The following CELF2 variants were observed in gnomAD, a reference collection of about 807,000 sequenced individuals.
CELF2 encodes CUGBP Elav-like family member 2.
Under a neutral mutation model 62.6 loss-of-function variants are expected in CELF2, and 8 were observed. That is an observed-to-expected ratio of 0.13 (90% CI 0.07 to 0.23). The LOEUF (loss-of-function observed/expected upper bound fraction) is 0.23. Ranked by LOEUF, CELF2 falls within the 10% of genes least tolerant of loss-of-function variation. The probability of loss-of-function intolerance (pLI) is 1.00; values close to 1 mark genes in which losing one functional copy is unlikely to be tolerated. For synonymous variants in CELF2, 258 were observed against 250.0 expected, an observed-to-expected ratio of 1.03 and a Z score of -0.30; for missense variants, 333 against 671.0, an observed-to-expected ratio of 0.50 and a Z score of 5.56.
chr10:10,662,489 G>A, the CELF2 span, among the ~76,000 whole-genome samples: 1 of 152,054 alleles, frequency 6.6e-6, no homozygotes, highest in Non-Finnish European at 1.5e-5. Flanking sequence ...CCCTGTAGTG[G>A]CTTCTCACCC....
chr10:10,669,373 C>T, the CELF2 span, among the ~76,000 whole-genome samples: 60 of 152,264 alleles, frequency 3.9e-4, no homozygotes, highest in Middle Eastern at 3.4e-3. Context: ...TAGAAAGAAT[C>T]CTAGAATTAT....
rs190807555 is a variant in CELF2, at chr10:10,874,942, A to G, written c.54-45022A>G. On this transcript the variant is annotated intron_variant, in intron 1 of 13. Coordinates refer to the CELF2 transcript ENST00000636488. ...ATCTGTTTTAAGAATCTCTAGAAAT[A>G]AATATAAATGTAAACTAGATTTCAT... Among the ~76,000 whole-genome samples the G allele has an allele frequency of 1.8e-3, 277 of 152,344 alleles. 2 individuals carry two copies. The highest frequency in any genetic ancestry group is 0.013 in the South Asian group (61 of 4,828).
rs73571696 is a variant in CELF2 at position 11,035,315 on chromosome 10, G to T, written c.74+17152G>T. ...ATTTGTTGTTTCTAATATGGTAGCA[G>T]CCTGCTGGGAGATGTCTCTCTACAC... On this transcript the variant is annotated intron_variant, in intron 1 of 12. Transcript: ENST00000633077. 7.3e-3 allele frequency among the ~76,000 whole-genome samples: 1,116 copies of T among 152,328 alleles called. 17 individuals carry two copies. Among genetic ancestry groups the T allele is most frequent in the African/African-American group, 0.025 (1,033 of 41,568 alleles).
intron 1 of CELF2, among the ~76,000 whole-genome samples, chr10:11,093,115 T>C (rs1339205953): frequency 6.6e-6 from 1 of 152,206 alleles, no homozygotes; most frequent in Non-Finnish European, 1.5e-5. Context: ...AGTGATGCAG[T>C]TACTTGTAAT....
At chr10:10,937,121 C>CTTTTTTTTT (rs373143426) in intron 2 of CELF2, among the ~76,000 whole-genome samples, 1 of 90,538 alleles carries the variant, frequency 1.1e-5, no homozygotes, top group Non-Finnish European at 2.0e-5. Context: ...TTTTTCTTTT[C>CTTTTTTTTT]TTTTTTTTTT....
At chr10:11,048,342 A>G (rs2063245716) in intron 1 of CELF2, among the ~76,000 whole-genome samples, 1 of 152,242 alleles carries the variant, frequency 6.6e-6, no homozygotes, top group Non-Finnish European at 1.5e-5. Flanking sequence ...GGCAGTGAAC[A>G]GAATATGCAT....
chr10:10,902,467 T>C (rs934114468), intron 1 of CELF2, among the ~76,000 whole-genome samples: 1 of 152,186 alleles, frequency 6.6e-6, no homozygotes, highest in African/African-American at 2.4e-5. Context: ...CCTGAAATAA[T>C]TGTGCTGAGT....
chr10:10,693,269 A>G, the CELF2 span, among the ~76,000 whole-genome samples: 2 of 134,188 alleles, frequency 1.5e-5, no homozygotes, highest in Admixed American at 7.5e-5. Context: ...TGAGATAATC[A>G]TGTGGTTTTT....
At chr10:11,061,996 G>A (rs1374137516) in intron 1 of CELF2, among the ~76,000 whole-genome samples, 2 of 152,188 alleles carry the variant, frequency 1.3e-5, no homozygotes, top group African/African-American at 4.8e-5. Context: ...ATTTTTAGTA[G>A]CGACGGGGTT....
At chr10:11,125,852 C>T (rs773871061) in intron 1 of CELF2, among the ~76,000 whole-genome samples, 18 of 151,966 alleles carry the variant, frequency 1.2e-4, no homozygotes, top group Non-Finnish European at 1.6e-4. Flanking sequence ...GTTTTTCAAA[C>T]GGAGTAATAC....
At chr10:10,814,037 C>T (rs1429851864) in intron 1 of CELF2, among the ~76,000 whole-genome samples, 1 of 152,072 alleles carries the variant, frequency 6.6e-6, no homozygotes, top group East Asian at 1.9e-4. Context: ...TATATTGAGG[C>T]CAAACAACAG....
chr10:10,622,376 A>G, the CELF2 span, among the ~76,000 whole-genome samples: 3 of 152,186 alleles, frequency 2.0e-5, no homozygotes, highest in Admixed American at 2.0e-4. Context: ...TCGGAGGCCA[A>G]GATGGGTGGA....
intron 1 of CELF2, among the ~76,000 whole-genome samples, chr10:11,104,334 C>G (rs1037900173): frequency 4.6e-5 from 7 of 152,128 alleles, no homozygotes; most frequent in African/African-American, 1.7e-4. Flanking sequence ...AAATGACATA[C>G]AAAATACTCT....
chr10:10,464,185 G>A, the CELF2 span, among the ~76,000 whole-genome samples: 1 of 152,138 alleles, frequency 6.6e-6, no homozygotes, highest in Non-Finnish European at 1.5e-5. Flanking sequence ...ACATTACAAA[G>A]TGTCAATTGT....
At chr10:10,710,468 A>G in the CELF2 span, among the ~76,000 whole-genome samples, 2 of 152,252 alleles carry the variant, frequency 1.3e-5, no homozygotes, top group Non-Finnish European at 2.9e-5. Flanking sequence ...AGAAACATAT[A>G]TTAAGCACAT....
At chr10:11,312,112 T>C (rs1221790911) in intron 9 of CELF2, among the ~76,000 whole-genome samples, 1 of 152,020 alleles carries the variant, frequency 6.6e-6, no homozygotes, top group Non-Finnish European at 1.5e-5. Context: ...TCAACAGTAA[T>C]AATGGAAATC....
chr10:11,115,075 C>T (rs2056248420), intron 1 of CELF2, among the ~76,000 whole-genome samples: 1 of 152,152 alleles, frequency 6.6e-6, no homozygotes, highest in South Asian at 2.1e-4. Flanking sequence ...AAATTGGCCC[C>T]ACATAAATGT....
chr10:10,981,859 G>T (rs1289514946), intron 2 of CELF2, among the ~76,000 whole-genome samples: 1 of 151,860 alleles, frequency 6.6e-6, no homozygotes, highest in Non-Finnish European at 1.5e-5. Flanking sequence ...GCTTAGAAAG[G>T]CTACACAGTC....
the CELF2 span, among the ~76,000 whole-genome samples, chr10:10,733,357 G>A: frequency 4.6e-5 from 7 of 151,986 alleles, no homozygotes; most frequent in African/African-American, 1.7e-4. Context: ...TGCCAACAGC[G>A]ATAAATGTTC....
Sources: allele counts gnomAD v4.1 joint callset (sites outside exome capture counted in the v4.1 genomes callset), GRCh38; gene constraint gnomAD v4.1.1; transcripts MANE v1.5; gene names NCBI Gene and HGNC (gene_info 2026-07-23, HGNC 2026-07-21).